Variants in KIAA0930 observed in about 807,000 individuals in gnomAD.
KIAA0930 encodes uncharacterized protein KIAA0930.
KIAA0930 carries 24 observed loss-of-function variants against 43.9 expected under a neutral mutation model. The ratio of observed to expected loss-of-function variants is 0.55; its 90% CI spans 0.40 to 0.77. The LOEUF is 0.77. Ranked by LOEUF, KIAA0930 falls within the 30% of genes least tolerant of loss-of-function variation. KIAA0930 has a pLI of 0.00. For missense variants in KIAA0930, 461 were observed against 574.2 expected (o/e 0.80, Z 2.02); for synonymous variants, 259 against 216.4 (o/e 1.20, Z -1.73).
intron 1 of KIAA0930, among the ~76,000 whole-genome samples, chr22:45,217,435 G>A (rs943308492): frequency 6.7e-6 from 1 of 148,986 alleles, no homozygotes. Context: ...TGAACTCATG[G>A]CCAACAACAA....
rs1012130648 is a variant in KIAA0930 at position 45,236,955 on chromosome 22, C to G, written c.64+3685G>C. 2.0e-5 allele frequency among the ~76,000 whole-genome samples: 3 copies of G among 152,212 alleles called. No homozygotes were observed. In the South Asian group the frequency reaches 6.2e-4, roughly 32 times the overall value. ...AGCAGCCGGATGTGGGTCCCACCTG[C>G]TCACGGCACCTCTCAGGACTCACAC... On this transcript the variant is annotated intron_variant, in intron 1 of 9. Coordinates refer to ENST00000336156, the MANE Select transcript of KIAA0930 (RefSeq NM_001009880.2).
At chr22:45,235,594 C>T (rs146163365) in intron 1 of KIAA0930, among the ~76,000 whole-genome samples, 69 of 152,234 alleles carry the variant, frequency 4.5e-4, no homozygotes, top group Non-Finnish European at 7.2e-4. Flanking sequence ...GCAGCCCGAG[C>T]GTCGGGGCAT....
At chr22:45,204,898 C>T (rs567496339) in intron 5 of KIAA0930, among the ~76,000 whole-genome samples, 5 of 152,254 alleles carry the variant, frequency 3.3e-5, no homozygotes, top group African/African-American at 7.2e-5. Context: ...TGGCTCCTCC[C>T]GCCCGGGCAG....
chr22:45,203,366 C>G (rs1217206112), intron 6 of KIAA0930, among the ~76,000 whole-genome samples, 182 bp from the exon 7 acceptor site: 1 of 152,174 alleles, frequency 6.6e-6, no homozygotes, highest in East Asian at 1.9e-4. Context: ...GGTGCCCCTC[C>G]TGGTGCCCCT....
At chr22:45,216,451 C>T (rs2083733133) in intron 1 of KIAA0930, among the ~76,000 whole-genome samples, 1 of 151,802 alleles carries the variant, frequency 6.6e-6, no homozygotes, top group Non-Finnish European at 1.5e-5. Flanking sequence ...GAAACACTGA[C>T]ACCGAGCACG....
At chr22:45,218,899 C>T (rs1293379531) in intron 1 of KIAA0930, among the ~76,000 whole-genome samples, 2 of 152,090 alleles carry the variant, frequency 1.3e-5, no homozygotes, top group African/African-American at 4.8e-5. Context: ...TCAGGGCTTC[C>T]TGGGATAGTC....
intron 2 of KIAA0930, among the ~76,000 whole-genome samples, chr22:45,206,531 C>G (rs900551302): frequency 1.3e-5 from 2 of 152,180 alleles, no homozygotes; most frequent in Non-Finnish European, 2.9e-5. Flanking sequence ...ACGGCGGGGT[C>G]TGGGCTACAC....
rs1385160564 is a variant in KIAA0930, at chr22:45,212,084, C to T, written c.88G>A (p.Val30Ile). The change falls in exon 2 of 10, where the codon GTC (valine) becomes ATC (isoleucine). Residue 30 changes from valine to isoleucine, a missense_variant. Transcript: ENST00000336156. ...GLGCFKDDRI[V>I]FWTWMFSTYF... ...GTGGAGAACATCCAAGTCCAGAAGACGATGCGGTCATCCTTGAAGCACCCT... is the reference window on the plus strand; with the variant it reads ...GTGGAGAACATCCAAGTCCAGAAGATGATGCGGTCATCCTTGAAGCACCCT... The T allele has an allele frequency of 8.7e-6, 14 of 1,613,744 alleles. No individual in the cohort carries two copies. Among genetic ancestry groups the T allele is most frequent in the Admixed American group, 5.0e-5 (3 of 60,000 alleles).
intron 1 of KIAA0930, among the ~76,000 whole-genome samples, chr22:45,232,632 G>A (rs1291474907): frequency 5.3e-5 from 8 of 152,234 alleles, no homozygotes; most frequent in African/African-American, 1.9e-4. Context: ...GTGACCCAGA[G>A]GGCATTCTGC....
intron 1 of KIAA0930, among the ~76,000 whole-genome samples, chr22:45,232,959 G>T (rs1175661072): frequency 1.3e-5 from 2 of 152,100 alleles, no homozygotes; most frequent in Non-Finnish European, 1.5e-5. Context: ...ACCCACCCCC[G>T]CCAGGTGTCA....
chr22:45,237,729 G>C (rs1375495867), intron 1 of KIAA0930, among the ~76,000 whole-genome samples: 1 of 152,188 alleles, frequency 6.6e-6, no homozygotes, highest in Non-Finnish European at 1.5e-5. Context: ...AAGTGGAGAT[G>C]ATCAAACACA....
chr22:45,203,816 G>GA (rs1569073393), intron 6 of KIAA0930, 29 bp downstream of exon 6: 3 of 1,610,290 alleles, frequency 1.9e-6, no homozygotes, highest in Non-Finnish European at 2.5e-6. Context: ...GGGCCCAGAA[G>GA]AACACCCGTG....
In KIAA0930 at chr22:45,194,332, C is replaced by T. The variant is rs1428619528; in HGVS notation, c.*2844G>A. ...TCAGGTGATCCACCCATCTCAGCCT[C>T]CCAAAGTGCTGGGATTACAGGCGTG... On this transcript the variant is annotated 3_prime_UTR_variant, in exon 10 of 10. Coordinates refer to ENST00000336156, the MANE Select transcript of KIAA0930 (RefSeq NM_001009880.2). The T allele has an allele frequency of 6.6e-6, 1 of 151,906 alleles. No individual in the cohort carries two copies. The highest frequency in any genetic ancestry group is 1.5e-5 in the Non-Finnish European group (1 of 68,036). 9.4% of individuals were successfully genotyped at this position (151,906 alleles called of 1,614,324 possible).
intron 1 of KIAA0930, among the ~76,000 whole-genome samples, chr22:45,219,660 C>T (rs1244155843): frequency 1.5e-5 from 2 of 136,758 alleles, no homozygotes; most frequent in Non-Finnish European, 3.0e-5. Context: ...CATGTGATCT[C>T]GGCTCACTGC....
chr22:45,227,756 T>C (rs1213184516), intron 1 of KIAA0930, among the ~76,000 whole-genome samples: 2 of 152,216 alleles, frequency 1.3e-5, no homozygotes, highest in African/African-American at 4.8e-5. Context: ...GGAAGGATCC[T>C]GGACGCAGAG....
chr22:45,226,387 G>T (rs1207911860), intron 1 of KIAA0930: 2 of 465,462 alleles, frequency 4.3e-6, no homozygotes, highest in African/African-American at 2.0e-5. Flanking sequence ...TGAGGTCCTA[G>T]GGGACAAAGG....
chr22:45,214,200 C>T (rs558051402), intron 1 of KIAA0930, among the ~76,000 whole-genome samples: 5 of 152,016 alleles, frequency 3.3e-5, no homozygotes, highest in African/African-American at 7.2e-5. Context: ...ACAAACAAAA[C>T]AGCCCTTAAG....
At position 45,199,981 on chromosome 22, in the gene KIAA0930, A is replaced by G. The variant is rs778787030; in HGVS notation, c.907T>C (p.Phe303Leu). ...ACCTTCCTCTTGAGGGATGGGGAGA[A>G]GAAGGCAGGCCGGTTGTTCCGTTCT... ...TPERNNRPAF[F>L]SPSLKRKVPR... is the part of the protein sequence containing the mutation. The change falls in exon 8 of 10, where the codon TTC becomes CTC. Residue 303 changes from phenylalanine (F) to leucine (L), a missense_variant. Transcript: ENST00000336156. 34 of 1,609,006 alleles carry G rather than the reference A, an allele frequency of 2.1e-5. No homozygotes were observed. The highest frequency in any genetic ancestry group is 3.4e-6 in the Non-Finnish European group (4 of 1,177,564).
chr22:45,230,263 G>A (rs1019369037), intron 1 of KIAA0930, among the ~76,000 whole-genome samples: 3 of 152,286 alleles, frequency 2.0e-5, no homozygotes, highest in South Asian at 4.1e-4. Context: ...TCTTGGTCAG[G>A]CTGAGCTGGA....
Sources: allele counts gnomAD v4.1 joint callset (sites outside exome capture counted in the v4.1 genomes callset), GRCh38; gene constraint gnomAD v4.1.1; transcripts MANE v1.5; gene names NCBI Gene and HGNC (gene_info 2026-07-23, HGNC 2026-07-21).